Variants in DDC observed in about 807,000 individuals in gnomAD.
The protein encoded by DDC is dopa decarboxylase, also known as aromatic-L-amino-acid decarboxylase.
A neutral mutation model predicts 60.0 loss-of-function variants in DDC; 43 were observed. The ratio of observed to expected loss-of-function variants is 0.72; its 90% CI spans 0.56 to 0.92. The LOEUF (loss-of-function observed/expected upper bound fraction) is 0.92. Among genes scored for constraint, DDC ranks in the 40% least tolerant of loss-of-function variants. The pLI is 0.00. For missense variants in DDC, 573 were observed against 620.2 expected (o/e 0.92, Z 0.81); for synonymous variants, 232 against 234.6 (o/e 0.99, Z 0.10).
intron 11 of DDC, among the ~76,000 whole-genome samples, chr7:50,474,747 A>G (rs762961119): frequency 1.3e-5 from 2 of 152,222 alleles, no homozygotes; most frequent in African/African-American, 2.4e-5. Context: ...GTCAATACGG[A>G]GTTTTTAGCA....
chr7:50,534,185 C>T (rs2044312515), intron 4 of DDC, among the ~76,000 whole-genome samples: 1 of 152,206 alleles, frequency 6.6e-6, no homozygotes, highest in Admixed American at 6.5e-5. Flanking sequence ...CTCCCTTGTA[C>T]CTACTCCTTA....
rs373393949 is a variant in DDC, at chr7:50,503,692, T to C, written c.781+301A>G. Reference sequence around the variant, plus strand: ...GTGGTTACTCTAAGATTTTGAAGAGTTTATTCTCCTCAACAGGGCCAACAT... The same window carrying C: ...GTGGTTACTCTAAGATTTTGAAGAGCTTATTCTCCTCAACAGGGCCAACAT... On this transcript the variant is annotated intron_variant, in intron 7 of 14. Coordinates refer to ENST00000444124, the MANE Select transcript of DDC (RefSeq NM_001082971.2). Among the ~76,000 whole-genome samples, 13 of 152,236 alleles carry C rather than the reference T, an allele frequency of 8.5e-5. No homozygotes were observed. In the East Asian group the frequency reaches 1.2e-3, roughly 14 times the overall value.
intron 9 of DDC, among the ~76,000 whole-genome samples, chr7:50,485,962 A>G (rs1256185525): frequency 6.6e-6 from 1 of 152,210 alleles, no homozygotes; most frequent in Admixed American, 6.6e-5. Context: ...TTCATTATGA[A>G]GTATACTTGC....
chr7:50,541,581 C>G (rs2044633477), intron 2 of DDC, among the ~76,000 whole-genome samples: 2 of 152,190 alleles, frequency 1.3e-5, no homozygotes, highest in Non-Finnish European at 2.9e-5. Flanking sequence ...GAGCTGGCTA[C>G]CTCTTGGTTA....
At chr7:50,528,381 T>C in intron 5 of DDC, 101 bp from the exon 6 acceptor site, 1 of 1,485,948 alleles carries the variant, frequency 6.7e-7, no homozygotes. Context: ...AAACACAAGG[T>C]CCCTCTTAAC....
rs140276979 is a variant in DDC at position 50,539,998 on chromosome 7, C to T, written c.232G>A (p.Ala78Thr). ...TACGAGCTGGCAGTGGGGAAGTAGG[C>T]GAAGAAGTAGGGGCTGTGCCAGTGC... ...VTHWHSPYFF[A>T]YFPTASSYPA... Residue 78 changes from alanine to threonine, a missense_variant, in exon 3 of 15, where the codon GCC becomes ACC. Ala to Thr is a moderately conservative substitution (Grantham distance 58). Coordinates refer to ENST00000444124, the MANE Select transcript of DDC (RefSeq NM_001082971.2). 10 of 1,613,858 alleles carry T rather than the reference C, an allele frequency of 6.2e-6. No individual in the cohort carries two copies. Among genetic ancestry groups the T allele is most frequent in the Admixed American group, 5.0e-5 (3 of 60,000 alleles).
chr7:50,497,480 C>T (rs894821759), intron 8 of DDC, among the ~76,000 whole-genome samples: 2 of 152,194 alleles, frequency 1.3e-5, no homozygotes, highest in African/African-American at 4.8e-5. Context: ...GTGGGGAGGG[C>T]ACATAAATCC....
intron 6 of DDC, among the ~76,000 whole-genome samples, chr7:50,510,748 A>G (rs545953999): frequency 3.5e-4 from 53 of 151,792 alleles, no homozygotes; most frequent in Middle Eastern, 3.4e-3. Context: ...TTGGGAGGCC[A>G]AGGCGGGCGG....
intron 2 of DDC, 85 bp downstream of exon 2, chr7:50,543,800 A>G: frequency 7.4e-7 from 1 of 1,345,500 alleles, no homozygotes; most frequent in East Asian, 2.3e-5. Flanking sequence ...GATTCCTTGA[A>G]ACAAAGTATG....
intron 12 of DDC, among the ~76,000 whole-genome samples, chr7:50,469,785 C>A (rs1222545239): frequency 6.6e-6 from 1 of 152,102 alleles, no homozygotes; most frequent in Non-Finnish European, 1.5e-5. Flanking sequence ...TCAAGATCAG[C>A]CTGACCAACA....
chr7:50,517,418 A>T (rs946119127), intron 6 of DDC, among the ~76,000 whole-genome samples: 5 of 152,202 alleles, frequency 3.3e-5, no homozygotes, highest in Non-Finnish European at 7.4e-5. Context: ...GCATAAAGGG[A>T]CATACCTTAA....
At chr7:50,549,757 T>A (rs533014377) in intron 1 of DDC, among the ~76,000 whole-genome samples, 1 of 152,186 alleles carries the variant, frequency 6.6e-6, no homozygotes, top group South Asian at 2.1e-4. Flanking sequence ...CACAGACGAC[T>A]TCAAGTTTCA....
chr7:50,465,525 C>T (rs994263976), intron 13 of DDC, among the ~76,000 whole-genome samples: 47 of 152,128 alleles, frequency 3.1e-4, no homozygotes, highest in Non-Finnish European at 2.6e-4. Context: ...GCATGTGCCA[C>T]CACTCCTGAC....
intron 8 of DDC, 75 bp from the exon 9 acceptor site, chr7:50,495,492 T>C: frequency 8.2e-7 from 1 of 1,222,362 alleles, no homozygotes. Context: ...ACCCCATACA[T>C]GATAATAAAA....
At chr7:50,552,246 G>A (rs2045021832) in intron 1 of DDC, among the ~76,000 whole-genome samples, 1 of 152,216 alleles carries the variant, frequency 6.6e-6, no homozygotes, top group East Asian at 1.9e-4. Flanking sequence ...CCCAAGCTGT[G>A]TAAATATTAG....
intron 6 of DDC, among the ~76,000 whole-genome samples, chr7:50,510,968 G>A (rs1350618229): frequency 5.2e-5 from 6 of 114,924 alleles, no homozygotes; most frequent in East Asian, 5.5e-4. Flanking sequence ...GCGAAAGAGC[G>A]AGACTCTGTC....
In DDC at chr7:50,480,081, G is replaced by C. The variant is rs552017645; in HGVS notation, c.945-218C>G. On this transcript the variant is annotated intron_variant, in intron 9 of 14. Coordinates refer to ENST00000444124, the MANE Select transcript of DDC (RefSeq NM_001082971.2). ...CTTTGTTACCAGTTCCTGGCACACA[G>C]CTCCTAAAACCCTTGAGATCTCCTA... The C allele has an allele frequency of 1.1e-4, 63 of 575,446 alleles. No homozygotes were observed. In the Admixed American group the frequency reaches 1.1e-3, roughly 10 times the overall value. 35.6% of individuals were successfully genotyped at this position (575,446 alleles called of 1,614,324 possible). A position where few individuals can be genotyped will look rare whatever the true frequency, so the allele number is the denominator to read the frequency against.
intron 7 of DDC, among the ~76,000 whole-genome samples, chr7:50,502,744 G>C (rs2043290564): frequency 6.6e-6 from 1 of 152,234 alleles, no homozygotes; most frequent in South Asian, 2.1e-4. Context: ...TGCATTCCTT[G>C]CTGTGCAGCA....
rs11575353 is a variant in DDC at position 50,527,219 on chromosome 7, CT to C, written c.714+917del. Among the ~76,000 whole-genome samples the C allele has an allele frequency of 4.6e-3, 707 of 152,208 alleles. 7 individuals carry two copies. The highest frequency in any genetic ancestry group is 0.016 in the African/African-American group (682 of 41,540). Reference sequence around the variant, plus strand: ...TTTAAGATTTACTTTACGACATACGCTATAAGTGGTTCTTGCCAGCATTTGT... The same window carrying C: ...TTTAAGATTTACTTTACGACATACGCATAAGTGGTTCTTGCCAGCATTTGT... On this transcript the variant is annotated intron_variant, in intron 6 of 14. Coordinates refer to ENST00000444124, the MANE Select transcript of DDC (RefSeq NM_001082971.2).
Sources: gnomAD v4.1 joint callset for allele counts (sites outside exome capture counted in the v4.1 genomes callset) on GRCh38, gnomAD v4.1.1 for gene constraint, MANE v1.5 for transcripts, NCBI Gene and HGNC (gene_info 2026-07-23, HGNC 2026-07-21) for gene names.